The following RAB27B variants were observed in gnomAD, a reference collection of about 807,000 sequenced individuals.
RAB27B encodes the protein RAB27B, member RAS oncogene family.
A neutral mutation model predicts 24.6 loss-of-function variants in RAB27B; 15 were observed. That is an observed-to-expected ratio of 0.61 (90% CI 0.41 to 0.94). The LOEUF (loss-of-function observed/expected upper bound fraction) is 0.94. RAB27B is among the 40% of genes least tolerant of loss of function. The probability of loss-of-function intolerance (pLI) is 0.00; values close to 1 mark genes in which losing one functional copy is unlikely to be tolerated. For synonymous variants in RAB27B, 105 were observed against 92.5 expected, an observed-to-expected ratio of 1.14 and a Z score of -0.78; for missense variants, 261 against 266.8, an observed-to-expected ratio of 0.98 and a Z score of 0.15.
chr18:54,772,704 T>C (rs1381823958), intron 2 of RAB27B, among the ~76,000 whole-genome samples: 1 of 152,236 alleles, frequency 6.6e-6, no homozygotes, highest in Non-Finnish European at 1.5e-5. Context: ...ATATTTAATA[T>C]TGAATCTCTT....
intron 1 of RAB27B, among the ~76,000 whole-genome samples, chr18:54,842,120 A>G (rs1164518566): frequency 6.6e-6 from 1 of 152,264 alleles, no homozygotes; most frequent in Non-Finnish European, 1.5e-5. Flanking sequence ...TAATTCGTTC[A>G]TCACAGGGAA....
chr18:54,858,215 A>T (rs1291057932), intron 1 of RAB27B, among the ~76,000 whole-genome samples: 1 of 152,210 alleles, frequency 6.6e-6, no homozygotes, highest in East Asian at 1.9e-4. Flanking sequence ...ATTCAATTTA[A>T]TGTATTCATA....
intron 1 of RAB27B, among the ~76,000 whole-genome samples, chr18:54,845,640 C>T (rs1419216851): frequency 6.6e-6 from 1 of 152,072 alleles, no homozygotes; most frequent in Non-Finnish European, 1.5e-5. Flanking sequence ...ATATGTTTGT[C>T]TTGTCTTTGC....
chr18:54,833,520 C>T (rs540951477), intron 1 of RAB27B, among the ~76,000 whole-genome samples: 8 of 152,118 alleles, frequency 5.3e-5, no homozygotes, highest in Admixed American at 1.3e-4. Flanking sequence ...TACAACTGCA[C>T]CCGGCCATGA....
chr18:54,784,141 ACAAT>A (rs1204265473), intron 2 of RAB27B, among the ~76,000 whole-genome samples: 1 of 152,220 alleles, frequency 6.6e-6, no homozygotes, highest in Non-Finnish European at 1.5e-5. Context: ...ATTAATTAAA[ACAAT>A]CAAAGCAGAA....
At chr18:54,839,701 A>G (rs562182703) in intron 1 of RAB27B, among the ~76,000 whole-genome samples, 1 of 152,320 alleles carries the variant, frequency 6.6e-6, no homozygotes, top group African/African-American at 2.4e-5. Flanking sequence ...TCCAACACTA[A>G]TTAAGAAAAG....
chr18:54,823,924 G>A (rs1910389983), upstream of RAB27B, among the ~76,000 whole-genome samples: 1 of 151,892 alleles, frequency 6.6e-6, no homozygotes, highest in Non-Finnish European at 1.5e-5. Context: ...AGTGCAGATC[G>A]CCTCCTAAGC....
chr18:54,818,688 G>A (rs1280770893), intron 2 of RAB27B, among the ~76,000 whole-genome samples: 1 of 152,088 alleles, frequency 6.6e-6, no homozygotes. Flanking sequence ...ATCCCACTAA[G>A]ACATGCATCT....
chr18:54,721,092 T>TCTCC (rs1568041543), intron 2 of RAB27B, among the ~76,000 whole-genome samples: 4 of 152,136 alleles, frequency 2.6e-5, no homozygotes, highest in Non-Finnish European at 5.9e-5. Flanking sequence ...AAGAAGTTTT[T>TCTCC]CTCCAGAGAA....
At chr18:54,815,247 A>T (rs1457599916) in intron 2 of RAB27B, among the ~76,000 whole-genome samples, 1 of 152,224 alleles carries the variant, frequency 6.6e-6, no homozygotes, top group African/African-American at 2.4e-5. Flanking sequence ...ATGAAGTATT[A>T]TTGCAGGAGT....
At chr18:54,875,918 A>T (rs931658009) in intron 1 of RAB27B, among the ~76,000 whole-genome samples, 3 of 152,192 alleles carry the variant, frequency 2.0e-5, no homozygotes, top group Non-Finnish European at 2.9e-5. Flanking sequence ...TTTTTTACAC[A>T]TAAAAAGTTA....
intron 2 of RAB27B, among the ~76,000 whole-genome samples, chr18:54,819,607 A>AT (rs1438108646): frequency 6.7e-6 from 1 of 149,960 alleles, no homozygotes; most frequent in Non-Finnish European, 1.5e-5. Context: ...TTTTTTATTT[A>AT]TTTTTTATTT....
intron 2 of RAB27B, among the ~76,000 whole-genome samples, chr18:54,744,021 C>T (rs926537930): frequency 1.3e-5 from 2 of 152,142 alleles, no homozygotes; most frequent in Admixed American, 6.5e-5. Flanking sequence ...AATCATCCCT[C>T]GAGATAATTT....
intron 1 of RAB27B, among the ~76,000 whole-genome samples, chr18:54,854,104 GA>G (rs1911689403): frequency 6.6e-6 from 1 of 152,184 alleles, no homozygotes; most frequent in South Asian, 2.1e-4. Context: ...AAGGGGCAGA[GA>G]GGTTTCTTCC....
intron 1 of RAB27B, among the ~76,000 whole-genome samples, chr18:54,864,718 G>C (rs1040746276): frequency 6.6e-6 from 1 of 152,100 alleles, no homozygotes; most frequent in African/African-American, 2.4e-5. Context: ...ATAAATGTAA[G>C]AGTTTATTTC....
At chr18:54,822,751 A>G (rs2015502) in intron 2 of RAB27B, among the ~76,000 whole-genome samples, 110,018 of 152,026 alleles carry the variant, frequency 0.72, 40,152 homozygotes, top group Middle Eastern at 0.85. Flanking sequence ...TATTTCTAAA[A>G]TTCTGCTTAT....
intron 2 of RAB27B, among the ~76,000 whole-genome samples, chr18:54,807,849 C>T (rs1909840626): frequency 6.6e-6 from 1 of 152,162 alleles, no homozygotes; most frequent in East Asian, 1.9e-4. Flanking sequence ...AAAGCAGTTC[C>T]ATAAACAGCA....
At chr18:54,770,473 G>C (rs1908509295) in intron 2 of RAB27B, among the ~76,000 whole-genome samples, 1 of 151,900 alleles carries the variant, frequency 6.6e-6, no homozygotes, top group Admixed American at 6.6e-5. Flanking sequence ...CCCCAGATGG[G>C]ACCATCTAGT....
At chr18:54,779,996 T>C (rs879315868) in intron 2 of RAB27B, among the ~76,000 whole-genome samples, 2,528 of 136,710 alleles carry the variant, frequency 0.018, 29 homozygotes, top group African/African-American at 0.028. Flanking sequence ...TCCTGAGGGC[T>C]TCCCCCTCAC....
Sources: allele counts gnomAD v4.1 joint callset (sites outside exome capture counted in the v4.1 genomes callset), GRCh38; gene constraint gnomAD v4.1.1; transcripts MANE v1.5; gene names NCBI Gene and HGNC (gene_info 2026-07-23, HGNC 2026-07-21).